The following CCDC9 variants were observed in gnomAD, a reference collection of about 807,000 sequenced individuals.
CCDC9 encodes coiled-coil domain-containing protein 9.
Under a neutral mutation model 65.6 loss-of-function variants are expected in CCDC9, and 52 were observed. The observed-to-expected ratio is 0.79, with a 90% CI of 0.63 to 1.00. The LOEUF is 1.00. Among genes scored for constraint, CCDC9 ranks in the 50% least tolerant of loss-of-function variants. The probability of loss-of-function intolerance (pLI) is 0.00; values close to 1 mark genes in which losing one functional copy is unlikely to be tolerated. For missense variants in CCDC9, 834 were observed against 757.2 expected, an observed-to-expected ratio of 1.10 and a Z score of -1.19; for synonymous variants, 332 against 280.3, an observed-to-expected ratio of 1.18 and a Z score of -1.84.
At chr19:47,272,237 G>C (rs2059128664), downstream of CCDC9, 2 of 1,000,702 alleles carry the variant, frequency 2.0e-6, no homozygotes, top group South Asian at 5.0e-5. Flanking sequence ...GAGGGCTTGG[G>C]GGGAGTGGGG....
At position 47,256,558 on chromosome 19, in the gene CCDC9, C is replaced by G. The variant is rs1021441655; in HGVS notation, c.-123C>G. On this transcript the variant is annotated 5_prime_UTR_variant, in exon 1 of 12. Transcript: ENST00000221922. ...ACGCGCCTGGCCCGGGAGCTGCGGT[C>G]GCAGAGGCCGACGGAGCCGGAGTCG... The G allele has an allele frequency of 1.3e-5, 2 of 152,444 alleles. No individual in the cohort carries two copies. Among genetic ancestry groups the G allele is most frequent in the African/African-American group, 4.8e-5 (2 of 41,428 alleles). 9.4% of individuals were successfully genotyped at this position (152,444 alleles called of 1,614,324 possible). A position where few individuals can be genotyped will look rare whatever the true frequency, so the allele number is the denominator to read the frequency against.
At chr19:47,257,406 T>C (rs1341304810) in intron 1 of CCDC9, 1 of 143,536 alleles carries the variant, frequency 7.0e-6, no homozygotes, top group African/African-American at 2.6e-5. Context: ...CGGGGCCACA[T>C]TAATGGCCCA....
At chr19:47,262,684 C>T (rs2059054217) in intron 5 of CCDC9, among the ~76,000 whole-genome samples, 1 of 152,118 alleles carries the variant, frequency 6.6e-6, no homozygotes, top group Non-Finnish European at 1.5e-5. Context: ...CCTGGTCATA[C>T]CTAACCTCAA....
downstream of CCDC9, chr19:47,275,608 G>C: frequency 3.8e-6 from 2 of 523,716 alleles, no homozygotes; most frequent in Non-Finnish European, 6.8e-6. Flanking sequence ...TCCTGCTGTG[G>C]GATGCTGAGC....
At position 47,260,956 on chromosome 19, in the gene CCDC9, G is replaced by C. The variant is rs115168056; in HGVS notation, c.462+117G>C. Reference sequence around the variant, plus strand: ...TGTCCATCTTTCAGTATCTCTCTCTGAGCCTTTGCATCTGGCTCTGTTTCT... The same window carrying C: ...TGTCCATCTTTCAGTATCTCTCTCTCAGCCTTTGCATCTGGCTCTGTTTCT... On this transcript the variant is annotated intron_variant, in intron 5 of 11. Coordinates refer to ENST00000221922, the MANE Select transcript of CCDC9 (RefSeq NM_015603.3). 3.5e-3 allele frequency: 4,226 copies of C among 1,220,702 alleles called. 48 individuals are homozygous for C. The African/African-American group carries it at 0.038, about 11-fold the overall frequency. 75.6% of individuals were successfully genotyped at this position (1,220,702 alleles called of 1,614,324 possible).
chr19:47,273,352 C>A, downstream of CCDC9: 1 of 1,231,648 alleles, frequency 8.1e-7, no homozygotes, highest in Non-Finnish European at 1.0e-6. Context: ...CCCTTCTCTC[C>A]TCAGAGGCAG....
intron 1 of CCDC9, 116 bp from the exon 2 acceptor site, chr19:47,258,214 A>G (rs774989466): frequency 2.2e-5 from 14 of 629,232 alleles, no homozygotes; most frequent in Non-Finnish European, 3.4e-5. Flanking sequence ...GAGGGCTACA[A>G]TTCTCTTGGG....
chr19:47,262,151 TG>T lies in CCDC9; in HGVS notation c.462+1315del, dbSNP rs1243584355. 2.7e-5 allele frequency among the ~76,000 whole-genome samples: 4 copies of T among 147,616 alleles called. No homozygotes were observed. The East Asian group carries it at 7.9e-4, about 29-fold the overall frequency. On this transcript the variant is annotated intron_variant, in intron 5 of 11. Transcript: ENST00000221922. ...TTGTATGCTGAGCCCTGCAGGGAGG[TG>T]GGTGGTCCAGGGGGTGAGGCCCTGC... is the stretch of plus-strand genomic sequence containing the variant.
chr19:47,259,957 C>T (rs1161661810), intron 3 of CCDC9, among the ~76,000 whole-genome samples: 1 of 152,176 alleles, frequency 6.6e-6, no homozygotes, highest in East Asian at 1.9e-4. Flanking sequence ...AAAAGTGTTC[C>T]TGGCAGAGGG....
chr19:47,273,718 C>G (rs2059138692), downstream of CCDC9: 1 of 367,540 alleles, frequency 2.7e-6, no homozygotes, highest in Non-Finnish European at 4.8e-6. Flanking sequence ...AGCCAGTCTT[C>G]AGGCCGAATC....
intron 1 of CCDC9, chr19:47,258,129 C>G (rs897539295): frequency 1.1e-5 from 6 of 554,364 alleles, no homozygotes; most frequent in Non-Finnish European, 9.7e-6. Flanking sequence ...CTGGGTGAGT[C>G]CACAAAGATC....
chr19:47,266,300 A>C, intron 7 of CCDC9: 4 of 310,254 alleles, frequency 1.3e-5, no homozygotes, highest in Non-Finnish European at 1.2e-5. Flanking sequence ...CGGCGGGAGA[A>C]GAGTTTGGAG....
chr19:47,275,153 C>T (rs1473216694), downstream of CCDC9: 2 of 1,486,314 alleles, frequency 1.3e-6, no homozygotes. Context: ...CGTGTGCTGC[C>T]CGCCCGGGCG....
At chr19:47,269,745 C>T (rs572580552) in intron 8 of CCDC9, among the ~76,000 whole-genome samples, 3 of 152,152 alleles carry the variant, frequency 2.0e-5, no homozygotes, top group African/African-American at 7.2e-5. Flanking sequence ...CAGGAGCAGG[C>T]GCTAAGGCCC....
At position 47,266,518 on chromosome 19, in the gene CCDC9, C is replaced by T. The variant is rs1377300143; in HGVS notation, c.721-93C>T. On this transcript the variant is annotated intron_variant, in intron 7 of 11. Transcript: ENST00000221922. Reference sequence around the variant, plus strand: ...TGATCTCTGCCTTGTCATCGCTTCCCTGTGTGATCCTGAGCAAGTGGATGT... The same window carrying T: ...TGATCTCTGCCTTGTCATCGCTTCCTTGTGTGATCCTGAGCAAGTGGATGT... 3 of 1,432,678 alleles carry T rather than the reference C, an allele frequency of 2.1e-6. No individual in the cohort carries two copies. In the Admixed American group the frequency reaches 8.8e-5, roughly 42 times the overall value. The allele number at this position is 1,432,678 out of a possible 1,614,324, so 88.7% of individuals were successfully genotyped here. A position where few individuals can be genotyped will look rare whatever the true frequency, so the allele number is the denominator to read the frequency against.
intron 8 of CCDC9, 134 bp downstream of exon 8, chr19:47,266,926 C>G: frequency 9.2e-7 from 1 of 1,083,972 alleles, no homozygotes; most frequent in Non-Finnish European, 1.3e-6. Context: ...ATGCCATGGA[C>G]CAGCTGCTGG....
At chr19:47,258,895 A>G (rs1484755598) in intron 3 of CCDC9, among the ~76,000 whole-genome samples, 5 of 152,208 alleles carry the variant, frequency 3.3e-5, no homozygotes, top group Non-Finnish European at 2.9e-5. Flanking sequence ...TGCTGGGGAT[A>G]TAGCTGTGAC....
chr19:47,271,794 C>T lies in CCDC9; in HGVS notation c.*116C>T. 1 of 1,453,704 alleles carries T rather than the reference C, an allele frequency of 6.9e-7. No homozygotes were observed. Among genetic ancestry groups the T allele is most frequent in the Non-Finnish European group, 9.0e-7 (1 of 1,108,914 alleles). 90.1% of individuals were successfully genotyped at this position (1,453,704 alleles called of 1,614,324 possible). On this transcript the variant is annotated 3_prime_UTR_variant, in exon 12 of 12. Transcript: ENST00000221922. ...TGTGGCTGGTGGGGGACCCTTGGGG[C>T]TGGGCCCTGGGACCCAGTGTGCCCC...
At position 47,267,530 on chromosome 19, in the gene CCDC9, G is replaced by A. The variant is rs1453403273; in HGVS notation, c.902+738G>A. On this transcript the variant is annotated intron_variant, in intron 8 of 11. Transcript: ENST00000221922. Reference sequence around the variant, plus strand: ...TTGCAGCAGGGTGAATTCACTCTGCGCCAGGGTGTTCATTCTGCTGTCCAG... The same window carrying A: ...TTGCAGCAGGGTGAATTCACTCTGCACCAGGGTGTTCATTCTGCTGTCCAG... 3.9e-5 allele frequency among the ~76,000 whole-genome samples: 6 copies of A among 152,140 alleles called. 1 individual carries two copies. The highest frequency in any genetic ancestry group is 2.0e-4 in the Admixed American group (3 of 15,266).
Sources: allele counts gnomAD v4.1 joint callset (sites outside exome capture counted in the v4.1 genomes callset), GRCh38; gene constraint gnomAD v4.1.1; transcripts MANE v1.5; gene names NCBI Gene and HGNC (gene_info 2026-07-23, HGNC 2026-07-21).